Variants in GRIP2 observed in about 807,000 individuals in gnomAD.
GRIP2 encodes the protein glutamate receptor-interacting protein 2.
A neutral mutation model predicts 108.3 loss-of-function variants in GRIP2; 58 were observed. The ratio of observed to expected loss-of-function variants is 0.54; its 90% CI spans 0.43 to 0.67. GRIP2 has a LOEUF of 0.67. GRIP2 is among the 30% of genes least tolerant of loss of function. GRIP2 has a pLI of 0.00. For synonymous variants in GRIP2, 586 were observed against 598.2 expected (o/e 0.98, Z 0.30); for missense variants, 1,278 against 1,430.6 (o/e 0.89, Z 1.72).
At chr3:14,510,269 T>G (rs543382668) in intron 16 of GRIP2, among the ~76,000 whole-genome samples, 9,839 of 149,334 alleles carry the variant, frequency 0.066, 1,059 homozygotes, top group African/African-American at 0.22. Context: ...TTTTTTTTTT[T>G]TTTTTTTTTT....
the GRIP2 span, among the ~76,000 whole-genome samples, chr3:14,599,354 A>G: frequency 6.6e-6 from 1 of 152,202 alleles, no homozygotes; most frequent in Non-Finnish European, 1.5e-5. Context: ...AGGCCACACC[A>G]CAGGAAGAAT....
At chr3:14,500,502 A>G (rs1199912813) in intron 21 of GRIP2, among the ~76,000 whole-genome samples, 1 of 152,248 alleles carries the variant, frequency 6.6e-6, no homozygotes, top group Non-Finnish European at 1.5e-5. Flanking sequence ...GAAAAGACAC[A>G]GGACTTTCAA....
At chr3:14,528,555 G>T (rs1694623640) in intron 1 of GRIP2, among the ~76,000 whole-genome samples, 1 of 152,254 alleles carries the variant, frequency 6.6e-6, no homozygotes, top group Non-Finnish European at 1.5e-5. Flanking sequence ...ATCAGTTAGG[G>T]TTTAAACGAA....
At chr3:14,501,310 C>G (rs542188260) in intron 21 of GRIP2, among the ~76,000 whole-genome samples, 6 of 152,208 alleles carry the variant, frequency 3.9e-5, no homozygotes, top group Admixed American at 1.3e-4. Context: ...ATAACAAAAG[C>G]CACTAAACTG....
chr3:14,493,743 G>C lies in GRIP2; in HGVS notation c.3054C>G (p.Ile1018Met), dbSNP rs1559327404. ...LAEAGDVLELIISRKPHTAHS... is the reference protein window; with the variant it reads ...LAEAGDVLELMISRKPHTAHS... ...GTGCCGTGTGCGGCTTGCGGCTGAT[G>C]ATCAGCTCCAAGACATCACCCGCCT... The change falls in exon 24 of 24, where the codon ATC becomes ATG. Residue 1018 changes from isoleucine to methionine, a missense_variant. Ile to Met is a conservative substitution (Grantham distance 10). Transcript: ENST00000621039. 1.2e-6 allele frequency: 2 copies of C among 1,610,690 alleles called. No individual in the cohort carries two copies. The highest frequency in any genetic ancestry group is 1.7e-6 in the Non-Finnish European group (2 of 1,178,976).
chr3:14,573,859 G>A, the GRIP2 span: 1 of 1,357,300 alleles, frequency 7.4e-7, no homozygotes, highest in South Asian at 1.2e-5. Context: ...GCCAGCATGG[G>A]CGAGCACTCC....
chr3:14,521,864 C>G lies in GRIP2; in HGVS notation c.567-77G>C. On this transcript the variant is annotated intron_variant, in intron 6 of 23. Transcript: ENST00000621039. The surrounding 1 kb of genome is among the most constrained non-coding windows in gnomAD (Gnocchi z 5.1). ...GCCTGTCTGGGAGGGCGCTGGGAAGCGGGACATGGAGGATGAAGAAGCAGG... is the reference window on the plus strand; with the variant it reads ...GCCTGTCTGGGAGGGCGCTGGGAAGGGGGACATGGAGGATGAAGAAGCAGG... 2 of 1,172,878 alleles carry G rather than the reference C, an allele frequency of 1.7e-6. No individual in the cohort carries two copies. Among genetic ancestry groups the G allele is most frequent in the South Asian group, 1.8e-5 (1 of 55,920 alleles). The allele number at this position is 1,172,878 out of a possible 1,614,324, so 72.7% of individuals were successfully genotyped here.
the GRIP2 span, among the ~76,000 whole-genome samples, chr3:14,593,654 A>G: frequency 6.6e-6 from 1 of 152,194 alleles, no homozygotes; most frequent in Non-Finnish European, 1.5e-5. Flanking sequence ...CCAGTGCGCT[A>G]CAGGTTGACA....
the GRIP2 span, among the ~76,000 whole-genome samples, chr3:14,565,921 GC>G: frequency 2.0e-5 from 3 of 152,218 alleles, no homozygotes; most frequent in African/African-American, 7.2e-5. Context: ...AGAGAAAGGA[GC>G]GTGCCCTAGG....
chr3:14,523,470 T>A, intron 5 of GRIP2, 142 bp downstream of exon 5: 1 of 650,916 alleles, frequency 1.5e-6, no homozygotes. Context: ...TCCCACTGAA[T>A]ACTTACCTTA....
At chr3:14,503,996 G>A (rs1385984448) in intron 20 of GRIP2, 1 of 355,882 alleles carries the variant, frequency 2.8e-6, no homozygotes, top group Non-Finnish European at 5.3e-6. Context: ...CAGACAGAGA[G>A]GAGATCCATG....
rs1575013791 is a variant in GRIP2 at position 14,522,094 on chromosome 3, T to G, written c.567-307A>C. On this transcript the variant is annotated intron_variant, in intron 6 of 23. Coordinates refer to ENST00000621039, the MANE Select transcript of GRIP2 (RefSeq NM_001080423.4). This position sits in a 1 kb window ranked among gnomAD's most constrained non-coding sequence, Gnocchi z 4.3. Reference sequence around the variant, plus strand: ...AACCCTGAAATGTCTGAGCTGGGGGTGCTCTTCAAGCGTCACCCCCAACTC... The same window carrying G: ...AACCCTGAAATGTCTGAGCTGGGGGGGCTCTTCAAGCGTCACCCCCAACTC... The G allele has an allele frequency of 3.0e-6, 1 of 335,134 alleles. No homozygotes were observed. Among genetic ancestry groups the G allele is most frequent in the Non-Finnish European group, 5.4e-6 (1 of 185,178 alleles). 20.8% of individuals were successfully genotyped at this position (335,134 alleles called of 1,614,324 possible).
At position 14,503,666 on chromosome 3, in the gene GRIP2, G is replaced by T. The variant is rs772655562; in HGVS notation, c.2579C>A (p.Ala860Asp). The T allele has an allele frequency of 8.4e-5, 134 of 1,603,628 alleles. No homozygotes were observed. Among genetic ancestry groups the T allele is most frequent in the Non-Finnish European group, 1.1e-4 (125 of 1,175,356 alleles). The change falls in exon 21 of 24, where the codon GCC becomes GAC. Residue 860 changes from alanine to aspartate, a missense_variant. Ala to Asp is a moderately radical substitution (Grantham distance 126). Coordinates refer to ENST00000621039, the MANE Select transcript of GRIP2 (RefSeq NM_001080423.4). ...EDDWEPPTSP[A>D]PGPAREEGFW... ...GCCCTCCTCTCGGGCAGGGCCAGGG[G>T]CTGGGCTGTAACGTAGGAACCAGAG...
At chr3:14,590,415 AT>A in the GRIP2 span, among the ~76,000 whole-genome samples, 1 of 152,312 alleles carries the variant, frequency 6.6e-6, no homozygotes, top group African/African-American at 2.4e-5. Flanking sequence ...GTTATACAAA[AT>A]GTTTTACTTT....
the GRIP2 span, among the ~76,000 whole-genome samples, chr3:14,581,952 T>C: frequency 2.6e-5 from 4 of 151,646 alleles, no homozygotes; most frequent in South Asian, 2.1e-4. Context: ...AGCTGAGGAG[T>C]AGGGCAACAG....
At chr3:14,594,062 C>A in the GRIP2 span, among the ~76,000 whole-genome samples, 2 of 152,194 alleles carry the variant, frequency 1.3e-5, no homozygotes, top group African/African-American at 2.4e-5. Context: ...GAGGTGCAGC[C>A]CTGCCTTTTG....
upstream of GRIP2, among the ~76,000 whole-genome samples, chr3:14,546,615 T>G (rs1435644521): frequency 6.6e-6 from 1 of 151,984 alleles, no homozygotes; most frequent in Non-Finnish European, 1.5e-5. Flanking sequence ...TGTATCTTGA[T>G]GCAAAACAGG....
chr3:14,503,835 G>A (rs1367461159), intron 20 of GRIP2, 164 bp from the exon 21 acceptor site: 28 of 602,780 alleles, frequency 4.6e-5, no homozygotes, highest in South Asian at 2.8e-4. Flanking sequence ...CTGGGGCCCC[G>A]GGGCAGTGGT....
At chr3:14,559,158 A>G (rs956672963), upstream of GRIP2, among the ~76,000 whole-genome samples, 4 of 152,190 alleles carry the variant, frequency 2.6e-5, no homozygotes, top group Admixed American at 6.5e-5. Context: ...CCTCACCTAT[A>G]AAGTGGAGAT....
Sources: allele counts gnomAD v4.1 joint callset (sites outside exome capture counted in the v4.1 genomes callset), GRCh38; gene constraint gnomAD v4.1.1; non-coding constraint Gnocchi (gnomAD v3.1); transcripts MANE v1.5; gene names NCBI Gene and HGNC (gene_info 2026-07-23, HGNC 2026-07-21).